Variants in SCRN1 observed in about 807,000 individuals in gnomAD.
SCRN1 encodes secernin 1.
In SCRN1, 19 loss-of-function variants were observed where a neutral mutation model predicts 43.3. The observed-to-expected ratio is 0.44, with a 90% confidence interval of 0.31 to 0.64. SCRN1 has a LOEUF of 0.64. SCRN1 is among the 30% of genes least tolerant of loss of function. The probability of loss-of-function intolerance (pLI) is 0.09; values close to 1 mark genes in which losing one functional copy is unlikely to be tolerated. For synonymous variants in SCRN1, 183 were observed against 188.9 expected, an observed-to-expected ratio of 0.97 and a Z score of 0.26; for missense variants, 447 against 524.1, an observed-to-expected ratio of 0.85 and a Z score of 1.44.
At chr7:29,931,458 A>C (rs2128087206) in intron 6 of SCRN1, among the ~76,000 whole-genome samples, 1 of 152,346 alleles carries the variant, frequency 6.6e-6, no homozygotes, top group South Asian at 2.1e-4. Context: ...GCTTTGTCCA[A>C]AATCACATTC....
chr7:29,969,188 C>G, intron 1 of SCRN1, 120 bp from the exon 2 acceptor site: 1 of 1,208,450 alleles, frequency 8.3e-7, no homozygotes, highest in Non-Finnish European at 1.1e-6. Flanking sequence ...GCACAGCTAG[C>G]TCATTAAGAG....
intron 3 of SCRN1, chr7:29,947,184 A>C (rs1257725681): frequency 6.5e-7 from 1 of 1,549,964 alleles, no homozygotes; most frequent in East Asian, 2.4e-5. Flanking sequence ...TGCTTTGTCC[A>C]GCTTGCTCTG....
At chr7:29,927,849 G>T in intron 6 of SCRN1, among the ~76,000 whole-genome samples, 1 of 152,104 alleles carries the variant, frequency 6.6e-6, no homozygotes, top group East Asian at 1.9e-4. Context: ...GGCAAGGTAT[G>T]GTGGCTCACA....
At chr7:29,945,178 C>T (rs1330559982) in intron 3 of SCRN1, among the ~76,000 whole-genome samples, 3 of 152,186 alleles carry the variant, frequency 2.0e-5, no homozygotes, top group African/African-American at 4.8e-5. Flanking sequence ...TGAAGTGAGA[C>T]ATCCATCTCC....
chr7:29,959,156 C>A (rs1044632698), intron 2 of SCRN1, among the ~76,000 whole-genome samples: 1 of 152,206 alleles, frequency 6.6e-6, no homozygotes, highest in African/African-American at 2.4e-5. Flanking sequence ...GACACTCACA[C>A]AATAGACGTT....
chr7:29,963,469 T>C (rs1788394868), intron 2 of SCRN1, among the ~76,000 whole-genome samples: 1 of 152,028 alleles, frequency 6.6e-6, no homozygotes, highest in Non-Finnish European at 1.5e-5. Context: ...AAAATGCAAG[T>C]GTGTTATTTG....
intron 1 of SCRN1, among the ~76,000 whole-genome samples, chr7:29,983,326 T>C (rs1441116448): frequency 1.4e-4 from 20 of 139,392 alleles, no homozygotes; most frequent in Admixed American, 1.2e-3. Context: ...GGGGGAGGGA[T>C]AGCATTGGGA....
chr7:29,980,073 T>C (rs1228636018), intron 1 of SCRN1, among the ~76,000 whole-genome samples: 1 of 152,318 alleles, frequency 6.6e-6, no homozygotes, highest in East Asian at 1.9e-4. Context: ...CTCCTCTACT[T>C]ACTAAGCTCC....
chr7:29,931,864 C>T lies in SCRN1; in HGVS notation c.905+4692G>A, dbSNP rs1292033502. On this transcript the variant is annotated intron_variant, in intron 6 of 7. Transcript: ENST00000242059. ...CAAGTTTCTCTCAAAAACGCAGGCG[C>T]CCCTCAGAGTGGTTCATCTATGTTT... Among the ~76,000 whole-genome samples the T allele has an allele frequency of 2.0e-5, 3 of 152,186 alleles. No homozygotes were observed. In the East Asian group the frequency reaches 5.8e-4, roughly 29 times the overall value.
At chr7:29,982,738 G>T (rs902031303) in intron 1 of SCRN1, among the ~76,000 whole-genome samples, 2 of 150,646 alleles carry the variant, frequency 1.3e-5, no homozygotes, top group African/African-American at 4.9e-5. Context: ...TTTGCCCAGG[G>T]TTGTATAATT....
At chr7:29,938,831 C>T (rs1284285283) in intron 5 of SCRN1, among the ~76,000 whole-genome samples, 2 of 152,156 alleles carry the variant, frequency 1.3e-5, no homozygotes, top group South Asian at 4.1e-4. Flanking sequence ...TGTGAGACCC[C>T]TGATTTCCCA....
intron 1 of SCRN1, among the ~76,000 whole-genome samples, chr7:29,971,557 C>T (rs901800769): frequency 2.0e-5 from 3 of 149,942 alleles, no homozygotes; most frequent in Admixed American, 1.3e-4. Flanking sequence ...CATTTGAGCC[C>T]GGAGAGGCTG....
intron 3 of SCRN1, among the ~76,000 whole-genome samples, chr7:29,953,340 G>C (rs1306551884): frequency 6.6e-6 from 1 of 152,164 alleles, no homozygotes; most frequent in Non-Finnish European, 1.5e-5. Context: ...GAACAAAGTA[G>C]ATATTCAGTA....
chr7:29,972,790 C>T (rs1788705714), intron 1 of SCRN1, among the ~76,000 whole-genome samples: 2 of 152,112 alleles, frequency 1.3e-5, no homozygotes, highest in South Asian at 4.1e-4. Context: ...GAATTTTCTA[C>T]AATGATGGAA....
At chr7:29,947,051 TTGGCTGC>T in intron 3 of SCRN1, 1 of 923,690 alleles carries the variant, frequency 1.1e-6, no homozygotes, top group Non-Finnish European at 1.6e-6. Context: ...TAATTTCACT[TTGGCTGC>T]TACCCCTCTG....
At chr7:29,974,543 C>T (rs1029373947) in intron 1 of SCRN1, among the ~76,000 whole-genome samples, 1 of 152,116 alleles carries the variant, frequency 6.6e-6, no homozygotes, top group African/African-American at 2.4e-5. Context: ...GAACTCAATT[C>T]TCTTCCTATT....
chr7:29,970,057 A>G (rs1788619489), intron 1 of SCRN1: 1 of 344,178 alleles, frequency 2.9e-6, no homozygotes, highest in Non-Finnish European at 5.8e-6. Flanking sequence ...GACCACTACA[A>G]TAACTTCCGG....
At chr7:29,984,777 T>C (rs56337312) in intron 1 of SCRN1, among the ~76,000 whole-genome samples, 7,459 of 126,752 alleles carry the variant, frequency 0.059, 359 homozygotes, top group Middle Eastern at 0.1. Flanking sequence ...AAAAATTAGC[T>C]GGGCGTGGTG....
chr7:29,948,157 C>G (rs1332822274), intron 3 of SCRN1, among the ~76,000 whole-genome samples: 3 of 152,168 alleles, frequency 2.0e-5, no homozygotes, highest in Non-Finnish European at 4.4e-5. Flanking sequence ...ATTCCTGCGT[C>G]ATTGACAGGT....
Sources: gnomAD v4.1 joint callset for allele counts (sites outside exome capture counted in the v4.1 genomes callset) on GRCh38, gnomAD v4.1.1 for gene constraint, MANE v1.5 for transcripts, NCBI Gene and HGNC (gene_info 2026-07-23, HGNC 2026-07-21) for gene names.